The following LINGO2 variants were observed in gnomAD, a reference collection of about 807,000 sequenced individuals.
LINGO2 encodes leucine-rich repeat and immunoglobulin-like domain-containing nogo receptor-interacting protein 2.
A neutral mutation model predicts 30.6 loss-of-function variants in LINGO2; 14 were observed. That is an observed-to-expected ratio of 0.46 (90% confidence interval 0.30 to 0.72). The LOEUF is 0.72. Ranked by LOEUF, LINGO2 falls within the 30% of genes least tolerant of loss-of-function variation. The probability of loss-of-function intolerance (pLI) is 0.07; values close to 1 mark genes in which losing one functional copy is unlikely to be tolerated. For synonymous variants in LINGO2, 317 were observed against 288.5 expected, an observed-to-expected ratio of 1.10 and a Z score of -1.00; for missense variants, 729 against 751.7, an observed-to-expected ratio of 0.97 and a Z score of 0.35.
At chr9:28,860,677 C>CATATAT in the LINGO2 span, among the ~76,000 whole-genome samples, 8 of 147,094 alleles carry the variant, frequency 5.4e-5, no homozygotes, top group Non-Finnish European at 7.5e-5. Context: ...ATATATATTT[C>CATATAT]ATATATATAT....
intron 4 of LINGO2, among the ~76,000 whole-genome samples, chr9:28,099,344 T>G (rs1054101139): frequency 8.5e-5 from 13 of 152,182 alleles, no homozygotes; most frequent in Non-Finnish European, 1.5e-4. Flanking sequence ...TTGAAAAATA[T>G]TTATACAATT....
chr9:28,900,207 T>C, the LINGO2 span, among the ~76,000 whole-genome samples: 4 of 152,010 alleles, frequency 2.6e-5, no homozygotes, highest in Non-Finnish European at 5.9e-5. Flanking sequence ...GGCTGGCCAC[T>C]GGCTCCAGGC....
chr9:28,897,189 C>A, the LINGO2 span, among the ~76,000 whole-genome samples: 2 of 152,216 alleles, frequency 1.3e-5, no homozygotes, highest in Admixed American at 1.3e-4. Context: ...GAGCTATCAG[C>A]GTCCAATGAA....
At chr9:28,479,114 G>A (rs1336761226) in intron 1 of LINGO2, among the ~76,000 whole-genome samples, 2 of 151,866 alleles carry the variant, frequency 1.3e-5, no homozygotes, top group Non-Finnish European at 2.9e-5. Context: ...TACTAATGGC[G>A]AGGCACTGTA....
rs1273058205 is a variant in LINGO2, at chr9:28,433,028, G to GA, written c.-279+42911dup. Among the ~76,000 whole-genome samples the GA allele has an allele frequency of 2.0e-5, 3 of 151,978 alleles. No homozygotes were observed. In the East Asian group the frequency reaches 5.8e-4, roughly 29 times the overall value. ...AAAAATCCCAATCTTGGATTTTCTTGAAAAAACATAGATTCAGAAAGACTA... is the reference window on the plus strand; with the variant it reads ...AAAAATCCCAATCTTGGATTTTCTTGAAAAAAACATAGATTCAGAAAGACTA... On this transcript the variant is annotated intron_variant, in intron 2 of 5. Coordinates refer to ENST00000379992, the Ensembl canonical transcript of LINGO2.
At chr9:29,205,513 G>C in the LINGO2 span, among the ~76,000 whole-genome samples, 416 of 152,200 alleles carry the variant, frequency 2.7e-3, 1 homozygote, top group Non-Finnish European at 5.0e-3. Context: ...ATGTTCTGTA[G>C]GATATTGGCC....
At chr9:28,963,823 A>C in the LINGO2 span, among the ~76,000 whole-genome samples, 1 of 151,896 alleles carries the variant, frequency 6.6e-6, no homozygotes, top group Non-Finnish European at 1.5e-5. Flanking sequence ...AATGGGTACA[A>C]ACATATAGTT....
At chr9:28,506,615 T>G in intron 1 of LINGO2, among the ~76,000 whole-genome samples, 1 of 27,944 alleles carries the variant, frequency 3.6e-5, no homozygotes, top group Admixed American at 6.1e-4. Flanking sequence ...AGATATGAAT[T>G]GTCTCATAAC....
In LINGO2 at chr9:28,622,068, T is replaced by C. The variant is rs137871662; in HGVS notation, c.-365+48132A>G. Among the ~76,000 whole-genome samples the C allele has an allele frequency of 2.1e-3, 327 of 152,172 alleles. 3 individuals are homozygous for C. Among genetic ancestry groups the C allele is most frequent in the African/African-American group, 7.6e-3 (314 of 41,562 alleles). ...TTACTAGGTGCATATATGTATGGGG[T>C]ACATGAGGTACTTTGATACAGGCAT... On this transcript the variant is annotated intron_variant, in intron 1 of 5. Coordinates refer to ENST00000379992, the Ensembl canonical transcript of LINGO2.
chr9:28,778,408 T>G, the LINGO2 span, among the ~76,000 whole-genome samples: 1 of 152,094 alleles, frequency 6.6e-6, no homozygotes, highest in Non-Finnish European at 1.5e-5. Flanking sequence ...AAGGGAGGTG[T>G]TGTAAGGTTC....
intron 4 of LINGO2, among the ~76,000 whole-genome samples, chr9:28,021,554 T>C (rs1249053580): frequency 6.6e-6 from 1 of 152,146 alleles, no homozygotes; most frequent in Non-Finnish European, 1.5e-5. Context: ...ATTGATTGTC[T>C]GCCTGCTTGA....
At chr9:28,595,112 T>C (rs1825112874) in intron 1 of LINGO2, among the ~76,000 whole-genome samples, 2 of 152,156 alleles carry the variant, frequency 1.3e-5, no homozygotes, top group South Asian at 4.1e-4. Context: ...TCCACTGTTA[T>C]CCATCAACAA....
At chr9:28,984,162 T>C in the LINGO2 span, among the ~76,000 whole-genome samples, 1 of 152,098 alleles carries the variant, frequency 6.6e-6, no homozygotes, top group African/African-American at 2.4e-5. Context: ...AATGTCAAAA[T>C]GTTCTAACAC....
the LINGO2 span, among the ~76,000 whole-genome samples, chr9:29,084,822 TA>T: frequency 1.3e-5 from 2 of 152,000 alleles, no homozygotes; most frequent in African/African-American, 4.8e-5. Flanking sequence ...ATTTTCCTAC[TA>T]AATTATAGGT....
intron 2 of LINGO2, among the ~76,000 whole-genome samples, chr9:28,376,952 A>G (rs1255124089): frequency 6.6e-6 from 1 of 150,402 alleles, no homozygotes; most frequent in African/African-American, 2.5e-5. Flanking sequence ...GTAAGTCATC[A>G]TTCTTCATTA....
At chr9:28,848,418 T>C in the LINGO2 span, among the ~76,000 whole-genome samples, 2 of 131,844 alleles carry the variant, frequency 1.5e-5, no homozygotes, top group African/African-American at 5.8e-5. Context: ...TATATATATA[T>C]ATATATATAT....
At chr9:29,135,392 T>C in the LINGO2 span, among the ~76,000 whole-genome samples, 1 of 151,902 alleles carries the variant, frequency 6.6e-6, no homozygotes, top group Non-Finnish European at 1.5e-5. Context: ...ACCCCGTCTC[T>C]ACTAAAAATA....
the LINGO2 span, among the ~76,000 whole-genome samples, chr9:28,792,460 C>T: frequency 6.6e-6 from 1 of 152,002 alleles, no homozygotes. Context: ...ATCATAAACA[C>T]ACTATCTTCA....
At chr9:28,630,487 C>T (rs1348290192) in intron 1 of LINGO2, among the ~76,000 whole-genome samples, 1 of 151,954 alleles carries the variant, frequency 6.6e-6, no homozygotes, top group East Asian at 1.9e-4. Flanking sequence ...TATACAAAGC[C>T]TATATTTTTC....
Sources: allele counts gnomAD v4.1 joint callset (sites outside exome capture counted in the v4.1 genomes callset), GRCh38; gene constraint gnomAD v4.1.1; transcripts MANE v1.5; gene names NCBI Gene and HGNC (gene_info 2026-07-23, HGNC 2026-07-21).